Variants in CCDC91 observed in about 807,000 individuals in gnomAD.
The protein encoded by CCDC91 is coiled-coil domain containing 91, also known as coiled-coil domain-containing protein 91.
Under a neutral mutation model 63.2 loss-of-function variants are expected in CCDC91, and 48 were observed. The ratio of observed to expected loss-of-function variants is 0.76; its 90% confidence interval spans 0.60 to 0.97. The LOEUF (loss-of-function observed/expected upper bound fraction) is 0.97. CCDC91 is among the 50% of genes least tolerant of loss of function. CCDC91 has a pLI of 0.00. For missense variants in CCDC91, 500 were observed against 494.6 expected (o/e 1.01, Z -0.10); for synonymous variants, 167 against 165.8 (o/e 1.01, Z -0.06).
chr12:28,264,119 T>C (rs1947010602), intron 3 of CCDC91, among the ~76,000 whole-genome samples: 1 of 151,840 alleles, frequency 6.6e-6, no homozygotes, highest in Admixed American at 6.6e-5. Context: ...GGTGACCTTT[T>C]CTCATCTCTT....
At chr12:28,365,946 T>G (rs1472725205) in intron 7 of CCDC91, among the ~76,000 whole-genome samples, 1 of 152,190 alleles carries the variant, frequency 6.6e-6, no homozygotes, top group Non-Finnish European at 1.5e-5. Flanking sequence ...AATCACTTTT[T>G]TCCTGTCCCT....
chr12:28,487,323 A>T (rs993778994), intron 12 of CCDC91, among the ~76,000 whole-genome samples: 1 of 151,802 alleles, frequency 6.6e-6, no homozygotes, highest in Non-Finnish European at 1.5e-5. Flanking sequence ...CTAATTACTA[A>T]TTACTAGACC....
intron 1 of CCDC91, chr12:28,236,461 G>A (rs1192753481): frequency 6.6e-6 from 1 of 151,910 alleles, no homozygotes; most frequent in Non-Finnish European, 1.5e-5. Context: ...GTCGAGTAAA[G>A]TATTTTGTAT....
At position 28,206,511 on chromosome 12, in the gene CCDC91, C is replaced by T. The variant is rs1005910032; in HGVS notation, c.-15+15870C>T. On this transcript the variant is annotated intron_variant, in intron 1 of 12. Transcript: ENST00000536442. The stretch of plus-strand genomic sequence containing the variant: ...TATTATGACTACGGGAGGATAATAC[C>T]AAGGGTTTGGAGTATGCTCCTTACC... 1.3e-4 allele frequency among the ~76,000 whole-genome samples: 20 copies of T among 152,100 alleles called. 1 individual carries two copies. The highest frequency in any genetic ancestry group is 4.8e-4 in the African/African-American group (20 of 41,406).
intron 8 of CCDC91, among the ~76,000 whole-genome samples, chr12:28,413,307 C>G (rs1326638035): frequency 2.0e-5 from 3 of 152,066 alleles, no homozygotes; most frequent in Non-Finnish European, 4.4e-5. Flanking sequence ...AGAAAATATT[C>G]TTTCCCCACA....
At chr12:28,355,363 T>C (rs566202106) in intron 6 of CCDC91, among the ~76,000 whole-genome samples, 1 of 152,190 alleles carries the variant, frequency 6.6e-6, no homozygotes, top group Non-Finnish European at 1.5e-5. Context: ...TGCAAAAGGC[T>C]ACATTTCTCA....
At chr12:28,365,993 G>T (rs1222920255) in intron 7 of CCDC91, among the ~76,000 whole-genome samples, 3 of 151,922 alleles carry the variant, frequency 2.0e-5, no homozygotes, top group Admixed American at 6.6e-5. Flanking sequence ...TTGAAAAAAT[G>T]CTCCTTAGAA....
Position 28,307,728 on chromosome 12 carries a change from A to C in CCDC91, c.555A>C (p.Gln185His). ...AAGAGCAAGAGGCCATTTCTTTTCAAGATAGATACAAAGAACTTCAGGTAA... is the reference window on the plus strand; with the variant it reads ...AAGAGCAAGAGGCCATTTCTTTTCACGATAGATACAAAGAACTTCAGGTAA... ...KEKEQEAISF[Q>H]DRYKELQEKH... Residue 185 changes from glutamine to histidine, a missense_variant, in exon 6 of 13, where the codon CAA becomes CAC. By Grantham distance (24) the Gln-to-His change is conservative. Transcript: ENST00000536442. The C allele has an allele frequency of 6.3e-7, 1 of 1,579,452 alleles. No homozygotes were observed. The highest frequency in any genetic ancestry group is 1.1e-5 in the South Asian group (1 of 86,972).
At chr12:28,373,967 A>G (rs1323498890) in intron 7 of CCDC91, among the ~76,000 whole-genome samples, 1 of 152,132 alleles carries the variant, frequency 6.6e-6, no homozygotes, top group Non-Finnish European at 1.5e-5. Context: ...CATGATTGTA[A>G]GTTTCCTGAG....
chr12:28,321,167 T>G (rs1423245880), intron 6 of CCDC91, among the ~76,000 whole-genome samples: 1 of 151,904 alleles, frequency 6.6e-6, no homozygotes, highest in Admixed American at 6.6e-5. Flanking sequence ...TCTTTATTAT[T>G]TAGCTCTCTA....
chr12:28,480,053 C>T (rs147924828), intron 11 of CCDC91, among the ~76,000 whole-genome samples: 182 of 152,050 alleles, frequency 1.2e-3, no homozygotes, highest in African/African-American at 3.9e-3. Flanking sequence ...ACTACCTGGT[C>T]CCAGCCTTTC....
intron 6 of CCDC91, among the ~76,000 whole-genome samples, chr12:28,355,414 G>T (rs767079685): frequency 6.6e-6 from 1 of 152,174 alleles, no homozygotes; most frequent in Admixed American, 6.5e-5. Flanking sequence ...ACAGAATGTG[G>T]TTGGTAGAGG....
At chr12:28,471,305 A>T (rs576488434) in intron 11 of CCDC91, among the ~76,000 whole-genome samples, 1 of 152,346 alleles carries the variant, frequency 6.6e-6, no homozygotes, top group South Asian at 2.1e-4. Flanking sequence ...AAATACCTAT[A>T]TATGAACAAA....
At chr12:28,330,683 G>A (rs1282442148) in intron 6 of CCDC91, among the ~76,000 whole-genome samples, 1 of 151,970 alleles carries the variant, frequency 6.6e-6, no homozygotes, top group African/African-American at 2.4e-5. Flanking sequence ...CATGAAGTCC[G>A]ATTAAGGACA....
intron 1 of CCDC91, among the ~76,000 whole-genome samples, chr12:28,228,485 A>G (rs1944407623): frequency 6.6e-6 from 1 of 152,098 alleles, no homozygotes; most frequent in African/African-American, 2.4e-5. Flanking sequence ...TGCATAGATT[A>G]CCTCACGAAT....
At position 28,507,415 on chromosome 12, in the gene CCDC91, C is replaced by G. The variant is rs1372620865; in HGVS notation, c.1215+23250C>G. Among the ~76,000 whole-genome samples, 4 of 152,030 alleles carry G rather than the reference C, an allele frequency of 2.6e-5. No individual in the cohort carries two copies. In the South Asian group the frequency reaches 8.3e-4, roughly 32 times the overall value. On this transcript the variant is annotated intron_variant, in intron 12 of 12. Transcript: ENST00000536442. ...CAATAGATGCCAGTAGTAGCCACCC[C>G]CTAGTTGTTACAATCAAAACAGCTG...
chr12:28,434,624 G>A (rs915659775), intron 8 of CCDC91, among the ~76,000 whole-genome samples: 1 of 73,522 alleles, frequency 1.4e-5, no homozygotes, highest in Non-Finnish European at 2.5e-5. Context: ...TTTTTTGATT[G>A]GGGGGTGGGT....
At chr12:28,319,085 T>G (rs1940209281) in intron 6 of CCDC91, among the ~76,000 whole-genome samples, 1 of 152,000 alleles carries the variant, frequency 6.6e-6, no homozygotes, top group Admixed American at 6.6e-5. Flanking sequence ...AATGAGTTTT[T>G]CTGTTCCAAA....
At chr12:28,437,168 G>T (rs1948954700) in intron 8 of CCDC91, among the ~76,000 whole-genome samples, 1 of 151,350 alleles carries the variant, frequency 6.6e-6, no homozygotes. Flanking sequence ...TTTTTTGTGG[G>T]CCTTTTCAAT....
Sources: gnomAD v4.1 joint callset for allele counts (sites outside exome capture counted in the v4.1 genomes callset) on GRCh38, gnomAD v4.1.1 for gene constraint, MANE v1.5 for transcripts, NCBI Gene and HGNC (gene_info 2026-07-23, HGNC 2026-07-21) for gene names.